The following KCNN1 variants were observed in gnomAD, a reference collection of about 807,000 sequenced individuals.
The protein encoded by KCNN1 is potassium calcium-activated channel subfamily N member 1.
KCNN1 carries 20 observed loss-of-function variants against 44.7 expected under a neutral mutation model. The observed-to-expected ratio is 0.45, with a 90% CI of 0.32 to 0.65. KCNN1 has a LOEUF of 0.65. Ranked by LOEUF, KCNN1 falls within the 30% of genes least tolerant of loss-of-function variation. KCNN1 has a pLI of 0.05. For synonymous variants in KCNN1, 324 were observed against 341.7 expected (o/e 0.95, Z 0.57); for missense variants, 632 against 785.3 (o/e 0.80, Z 2.33).
chr19:17,995,664 C>T (rs1037384530), intron 9 of KCNN1, among the ~76,000 whole-genome samples: 11 of 152,152 alleles, frequency 7.2e-5, no homozygotes, highest in Non-Finnish European at 1.6e-4. Flanking sequence ...CAGCTCACTG[C>T]AGCCTCCATC....
Position 17,993,421 on chromosome 19 carries a change from GTCCCT to G in KCNN1, c.1308-68_1308-64del. 1 of 1,203,506 alleles carries G rather than the reference GTCCCT, an allele frequency of 8.3e-7. No individual in the cohort carries two copies. The highest frequency in any genetic ancestry group is 1.2e-6 in the Non-Finnish European group (1 of 823,096). The allele number at this position is 1,203,506 out of a possible 1,614,324, so 74.6% of individuals were successfully genotyped here. ...GGTGACCCCGGGTGGGTGCATGAAAGTCCCTGCCCCCACTGCAGCCTCCACGGGAA... is the reference window on the plus strand; with the variant it reads ...GGTGACCCCGGGTGGGTGCATGAAAGGCCCCCACTGCAGCCTCCACGGGAA... On this transcript the variant is annotated intron_variant, in intron 8 of 9. Coordinates refer to ENST00000684775, the MANE Select transcript of KCNN1 (RefSeq NM_001386974.1). The surrounding 1 kb of genome is among the most constrained non-coding windows in gnomAD (Gnocchi z 4.5).
chr19:17,976,440 G>A (rs1262924503), intron 3 of KCNN1, among the ~76,000 whole-genome samples: 6 of 150,270 alleles, frequency 4.0e-5, no homozygotes, highest in Admixed American at 6.6e-5. Context: ...TTTTTGAGAC[G>A]GAGTTTCACT....
chr19:17,952,847 C>A (rs138311164), intron 1 of KCNN1, among the ~76,000 whole-genome samples: 3 of 152,154 alleles, frequency 2.0e-5, no homozygotes, highest in African/African-American at 7.2e-5. Context: ...TCCCTTCCCC[C>A]CTCCCCTCTC....
chr19:17,966,062 TTCCTTCCTTCCTTCC>T (rs1599348364), upstream of KCNN1, among the ~76,000 whole-genome samples: 4 of 150,150 alleles, frequency 2.7e-5, no homozygotes, highest in East Asian at 7.8e-4. Context: ...CCTTCCTTCC[TTCCTTCCTTCCTTCC>T]TTCCTTCAGT....
chr19:17,954,893 C>T lies in KCNN1; in HGVS notation c.-82+212C>T, dbSNP rs113416446. On this transcript the variant is annotated intron_variant, in intron 2 of 10. Coordinates refer to the KCNN1 transcript ENST00000222249. The stretch of plus-strand genomic sequence containing the variant: ...TGTCTACTAAAAATACAAAAATTGC[C>T]CGGGGATGGTGGTGGGCACCTGCAA... Among the ~76,000 whole-genome samples, 712 of 151,898 alleles carry T rather than the reference C, an allele frequency of 4.7e-3. 3 individuals carry two copies. The highest frequency in any genetic ancestry group is 0.016 in the African/African-American group (668 of 41,408).
chr19:17,959,444 G>T (rs1222725620), intron 2 of KCNN1, among the ~76,000 whole-genome samples: 1 of 152,002 alleles, frequency 6.6e-6, no homozygotes, highest in Non-Finnish European at 1.5e-5. Context: ...TTTTAATAGA[G>T]ACGGGGTTTC....
intron 2 of KCNN1, among the ~76,000 whole-genome samples, chr19:17,958,230 C>T (rs2031589980): frequency 6.6e-6 from 1 of 152,052 alleles, no homozygotes; most frequent in African/African-American, 2.4e-5. Flanking sequence ...CCTGTAATCC[C>T]AGCACTTTGG....
At chr19:17,968,792 C>T (rs748910532) in intron 1 of KCNN1, among the ~76,000 whole-genome samples, 33 of 152,126 alleles carry the variant, frequency 2.2e-4, no homozygotes, top group South Asian at 4.1e-4. Flanking sequence ...AGGGAGCTCT[C>T]ATGACCAGAC....
rs2032486379 is a variant in KCNN1, at chr19:17,983,360, G to GCCCCCAC, written c.917+1240_917+1246dup. On this transcript the variant is annotated intron_variant, in intron 4 of 9. Coordinates refer to ENST00000684775, the MANE Select transcript of KCNN1 (RefSeq NM_001386974.1). The surrounding 1 kb of genome is among the most constrained non-coding windows in gnomAD (Gnocchi z 4.5). ...CACCCCATCCTCATCCCTCCACCCA[G>GCCCCCAC]CCCCCACCCCCCATACTCCCACGGG... Among the ~76,000 whole-genome samples the GCCCCCAC allele has an allele frequency of 6.7e-6, 1 of 148,434 alleles. No individual in the cohort carries two copies. Among genetic ancestry groups the GCCCCCAC allele is most frequent in the Non-Finnish European group, 1.5e-5 (1 of 66,946 alleles).
intron 1 of KCNN1, among the ~76,000 whole-genome samples, chr19:17,971,594 G>C (rs373689509): frequency 2.8e-4 from 42 of 151,994 alleles, no homozygotes; most frequent in African/African-American, 1.0e-3. Flanking sequence ...TCCTGAGTAG[G>C]TGGGATTACA....
intron 3 of KCNN1, 111 bp downstream of exon 3, chr19:17,975,298 C>T (rs1294766660): frequency 7.2e-6 from 5 of 697,964 alleles, no homozygotes; most frequent in South Asian, 1.8e-5. Flanking sequence ...GTATAATTGG[C>T]TTCTGATAGA....
intron 3 of KCNN1, among the ~76,000 whole-genome samples, chr19:17,975,833 C>G (rs1430618512): frequency 6.6e-6 from 1 of 152,096 alleles, no homozygotes; most frequent in African/African-American, 2.4e-5. Flanking sequence ...CACAGCCTCC[C>G]GAGTAGCTGG....
chr19:17,993,199 C>T lies in KCNN1; in HGVS notation c.1307+137C>T. ...TTCACATCTGCCCCATGGATCCGTG[C>T]AGGCTTCACCTTGGTCTGGGATCCA... On this transcript the variant is annotated intron_variant, in intron 8 of 9. Coordinates refer to ENST00000684775, the MANE Select transcript of KCNN1 (RefSeq NM_001386974.1). The surrounding 1 kb of genome is among the most constrained non-coding windows in gnomAD (Gnocchi z 4.5). 1 of 1,071,364 alleles carries T rather than the reference C, an allele frequency of 9.3e-7. No individual in the cohort carries two copies. The highest frequency in any genetic ancestry group is 1.4e-6 in the Non-Finnish European group (1 of 719,040). The allele number at this position is 1,071,364 out of a possible 1,614,324, so 66.4% of individuals were successfully genotyped here.
chr19:17,951,948 G>A (rs2031420515), intron 1 of KCNN1, among the ~76,000 whole-genome samples: 1 of 152,232 alleles, frequency 6.6e-6, no homozygotes, highest in Admixed American at 6.5e-5. Context: ...CAGTTTCCCC[G>A]TCTGTAAGAT....
At chr19:17,961,207 C>T (rs1166533004) in intron 2 of KCNN1, among the ~76,000 whole-genome samples, 3 of 130,748 alleles carry the variant, frequency 2.3e-5, no homozygotes, top group Non-Finnish European at 4.9e-5. Context: ...AAAAAAAAAA[C>T]CCAGAAACCA....
chr19:17,960,701 T>A (rs1053327526), intron 2 of KCNN1, among the ~76,000 whole-genome samples: 5 of 151,822 alleles, frequency 3.3e-5, no homozygotes, highest in Non-Finnish European at 7.4e-5. Context: ...AGGCCAGAAG[T>A]CCAAAATCAA....
intron 7 of KCNN1, among the ~76,000 whole-genome samples, chr19:17,991,843 G>C (rs1295860343): frequency 6.6e-6 from 1 of 152,144 alleles, no homozygotes; most frequent in Non-Finnish European, 1.5e-5. Flanking sequence ...ACTCTCTGCT[G>C]CTGAGGCAGG....
chr19:17,984,771 A>T (rs2032537697), intron 4 of KCNN1, among the ~76,000 whole-genome samples: 1 of 151,986 alleles, frequency 6.6e-6, no homozygotes, highest in South Asian at 2.1e-4. Context: ...GCCAAAGCCG[A>T]TGCCCCTCTC....
upstream of KCNN1, among the ~76,000 whole-genome samples, chr19:17,966,309 TGAGGCA>T (rs1028931525): frequency 1.1e-4 from 16 of 151,794 alleles, no homozygotes; most frequent in Non-Finnish European, 1.8e-4. Flanking sequence ...GGGAACAGGG[TGAGGCA>T]GAGGCAGAGG....
Sources: allele counts gnomAD v4.1 joint callset (sites outside exome capture counted in the v4.1 genomes callset), GRCh38; gene constraint gnomAD v4.1.1; non-coding constraint Gnocchi (gnomAD v3.1); transcripts MANE v1.5; gene names NCBI Gene and HGNC (gene_info 2026-07-23, HGNC 2026-07-21).